Variants in PLCL1 observed in about 807,000 individuals in gnomAD.
PLCL1 encodes the protein inactive phospholipase C-like protein 1.
Under a neutral mutation model 84.4 loss-of-function variants are expected in PLCL1, and 41 were observed. That is an observed-to-expected ratio of 0.49 (90% CI 0.38 to 0.63). PLCL1 has a LOEUF of 0.63. Ranked by LOEUF, PLCL1 falls within the 30% of genes least tolerant of loss-of-function variation. The pLI, the probability that PLCL1 is intolerant of heterozygous loss-of-function variation, is 0.00. For synonymous variants in PLCL1, 490 were observed against 488.3 expected, an observed-to-expected ratio of 1.00 and a Z score of -0.05; for missense variants, 1,206 against 1,367.8, an observed-to-expected ratio of 0.88 and a Z score of 1.87.
At chr2:198,002,065 G>A in intron 1 of PLCL1, 1 of 358,938 alleles carries the variant, frequency 2.8e-6, no homozygotes, top group Non-Finnish European at 5.6e-6. Context: ...AAAAATAAAG[G>A]GCACAATAAA....
chr2:197,949,612 A>G (rs1689349292), intron 1 of PLCL1, among the ~76,000 whole-genome samples: 1 of 152,192 alleles, frequency 6.6e-6, no homozygotes, highest in Non-Finnish European at 1.5e-5. Context: ...GGCTAGGTTG[A>G]TACCCTTACA....
intron 1 of PLCL1, among the ~76,000 whole-genome samples, chr2:197,885,733 CTATCTAATTA>C (rs1208777769): frequency 6.6e-6 from 1 of 152,198 alleles, no homozygotes; most frequent in African/African-American, 2.4e-5. Flanking sequence ...CTTTGTTTCG[CTATCTAATTA>C]TATTTGATTC....
In PLCL1 at chr2:198,045,736, C is replaced by G. The variant is rs190751252; in HGVS notation, c.241-38022C>G. On this transcript the variant is annotated intron_variant, in intron 1 of 5. Coordinates refer to ENST00000428675, the MANE Select transcript of PLCL1 (RefSeq NM_006226.4). ...CATATGTTAATTTTTAATGAGTAGA[C>G]ATTTACTTAGAAATTGATTTATTTG... is the stretch of plus-strand genomic sequence containing the variant. 3.9e-5 allele frequency among the ~76,000 whole-genome samples: 6 copies of G among 152,202 alleles called. No individual in the cohort carries two copies. In the East Asian group the frequency reaches 1.2e-3, roughly 29 times the overall value.
At chr2:198,099,002 G>A (rs550153209) in intron 3 of PLCL1, among the ~76,000 whole-genome samples, 16 of 152,240 alleles carry the variant, frequency 1.1e-4, no homozygotes, top group African/African-American at 2.6e-4. Flanking sequence ...TAGAGACAAA[G>A]CCCTGACAAG....
chr2:197,882,591 G>T (rs901484404), intron 1 of PLCL1, among the ~76,000 whole-genome samples: 26 of 152,014 alleles, frequency 1.7e-4, no homozygotes, highest in African/African-American at 6.3e-4. Context: ...ATATATTTTA[G>T]CCAAAGTATG....
rs902771958 is a variant in PLCL1, at chr2:198,146,697, C to T, written c.3106-83C>T. On this transcript the variant is annotated intron_variant, in intron 5 of 5. Transcript: ENST00000428675. ...GTCTGTTTCCTTATTCAGCAATGGG[C>T]AGTAAGAACATAGAGTGATGTCACT... 9.0e-6 allele frequency: 10 copies of T among 1,106,722 alleles called. No homozygotes were observed. The African/African-American group carries it at 1.4e-4, about 16-fold the overall frequency. The allele number at this position is 1,106,722 out of a possible 1,614,324, so 68.6% of individuals were successfully genotyped here. A position where few individuals can be genotyped will look rare whatever the true frequency, so the allele number is the denominator to read the frequency against.
chr2:198,116,137 T>A (rs1324246741), intron 5 of PLCL1, among the ~76,000 whole-genome samples: 1 of 151,386 alleles, frequency 6.6e-6, no homozygotes, highest in African/African-American at 2.4e-5. Flanking sequence ...AGATGCTACT[T>A]TTTTAAAGTC....
chr2:198,073,538 C>G (rs188396713), intron 1 of PLCL1, among the ~76,000 whole-genome samples: 13 of 152,296 alleles, frequency 8.5e-5, no homozygotes, highest in Non-Finnish European at 1.8e-4. Context: ...GGTTCTGTAT[C>G]TCTATGATAG....
At chr2:198,055,294 CCTCTCTCTCTCTCT>C (rs772260935) in intron 1 of PLCL1, among the ~76,000 whole-genome samples, 1 of 120,258 alleles carries the variant, frequency 8.3e-6, no homozygotes, top group Non-Finnish European at 1.7e-5. Flanking sequence ...CTGGTCAAAG[CCTCTCTCTCTCTCT>C]CTCTCTCTCT....
intron 1 of PLCL1, among the ~76,000 whole-genome samples, chr2:198,013,736 G>T (rs1410645240): frequency 6.6e-6 from 1 of 152,136 alleles, no homozygotes; most frequent in East Asian, 1.9e-4. Flanking sequence ...CAATGAACCA[G>T]TGCAGCTGGG....
chr2:198,052,425 C>G lies in PLCL1; in HGVS notation c.241-31333C>G, dbSNP rs375644480. ...GTAAAATTTATGCATTTTTAAAAAG[C>G]AAGAGATAGCTTAAAATGGGACTCT... On this transcript the variant is annotated intron_variant, in intron 1 of 5. Transcript: ENST00000428675. Among the ~76,000 whole-genome samples, 16 of 151,496 alleles carry G rather than the reference C, an allele frequency of 1.1e-4. 1 individual carries two copies. Among genetic ancestry groups the G allele is most frequent in the African/African-American group, 3.9e-4 (16 of 41,258 alleles).
intron 1 of PLCL1, among the ~76,000 whole-genome samples, chr2:198,082,722 G>A (rs887237286): frequency 2.6e-5 from 4 of 152,098 alleles, no homozygotes; most frequent in African/African-American, 7.2e-5. Flanking sequence ...CACAGTGAAC[G>A]GTCCAAGACT....
rs550909523 is a variant in PLCL1 at position 197,847,350 on chromosome 2, C to T, written c.240+42011C>T. On this transcript the variant is annotated intron_variant, in intron 1 of 5. Coordinates refer to ENST00000428675, the MANE Select transcript of PLCL1 (RefSeq NM_006226.4). ...ATGGTCAGCCCCAGATCCTCAGTGC[C>T]CCAGATCCTCAGCACCCCAGAGGCA... Among the ~76,000 whole-genome samples, 3 of 152,176 alleles carry T rather than the reference C, an allele frequency of 2.0e-5. No homozygotes were observed. The South Asian group carries it at 6.2e-4, about 32-fold the overall frequency.
chr2:198,055,294 C>CCTCTCTCTCT (rs772260935), intron 1 of PLCL1, among the ~76,000 whole-genome samples: 47 of 120,322 alleles, frequency 3.9e-4, no homozygotes, highest in African/African-American at 7.8e-4. Context: ...CTGGTCAAAG[C>CCTCTCTCTCT]CTCTCTCTCT....
At chr2:198,122,073 G>A (rs931217564) in intron 5 of PLCL1, among the ~76,000 whole-genome samples, 1 of 151,942 alleles carries the variant, frequency 6.6e-6, no homozygotes, top group African/African-American at 2.4e-5. Context: ...ATTTTTAGTG[G>A]CCCTATTCTA....
chr2:198,089,472 A>G (rs1026891898), intron 3 of PLCL1, among the ~76,000 whole-genome samples: 1 of 152,214 alleles, frequency 6.6e-6, no homozygotes, highest in African/African-American at 2.4e-5. Flanking sequence ...GCTAATTCCT[A>G]GAATGTACCC....
chr2:197,865,618 A>T (rs893423356), intron 1 of PLCL1, among the ~76,000 whole-genome samples: 1 of 152,158 alleles, frequency 6.6e-6, no homozygotes, highest in Admixed American at 6.6e-5. Context: ...TTAAAAAAGC[A>T]CAAATATAAA....
At chr2:197,942,176 T>G (rs1054252983) in intron 1 of PLCL1, among the ~76,000 whole-genome samples, 3 of 152,232 alleles carry the variant, frequency 2.0e-5, no homozygotes, top group Non-Finnish European at 4.4e-5. Flanking sequence ...TCATTGTCTT[T>G]CTTTGAATTT....
chr2:197,973,826 A>G (rs1223737886), intron 1 of PLCL1, among the ~76,000 whole-genome samples: 1 of 152,250 alleles, frequency 6.6e-6, no homozygotes, highest in Admixed American at 6.5e-5. Context: ...GCAGTTAACC[A>G]TTAGAGGGTT....
Sources: gnomAD v4.1 joint callset for allele counts (sites outside exome capture counted in the v4.1 genomes callset) on GRCh38, gnomAD v4.1.1 for gene constraint, MANE v1.5 for transcripts, NCBI Gene and HGNC (gene_info 2026-07-23, HGNC 2026-07-21) for gene names.